The following SLX4 variants were observed in gnomAD, a reference collection of about 807,000 sequenced individuals.
The protein encoded by SLX4 is structure-specific endonuclease subunit SLX4.
Under a neutral mutation model 146.2 loss-of-function variants are expected in SLX4, and 112 were observed. The ratio of observed to expected loss-of-function variants is 0.77; its 90% CI spans 0.66 to 0.90. The LOEUF (loss-of-function observed/expected upper bound fraction) is 0.90, where lower values mean the gene tolerates loss of function less well. SLX4 is among the 40% of genes least tolerant of loss of function. The probability of loss-of-function intolerance (pLI) is 0.00; values close to 1 mark genes in which losing one functional copy is unlikely to be tolerated. For synonymous variants in SLX4, 1,061 were observed against 997.7 expected, an observed-to-expected ratio of 1.06 and a Z score of -1.20; for missense variants, 2,563 against 2,392.7, an observed-to-expected ratio of 1.07 and a Z score of -1.49.
At position 3,590,524 on chromosome 16, in the gene SLX4, C is replaced by A. The variant is rs2151124317; in HGVS notation, c.3114G>T (p.Gly1038=). Residue 1038 remains glycine, a synonymous_variant, in exon 12 of 15, where the codon GGG becomes GGT. Coordinates refer to ENST00000294008, the MANE Select transcript of SLX4 (RefSeq NM_032444.4). The surrounding 1 kb of genome is among the most constrained non-coding windows in gnomAD (Gnocchi z 4.8). ...SPPHPCRFLL[G]PPQGGSPRGS... Reference sequence around the variant, plus strand: ...CGCGGGGACTCCCGCCCTGGGGAGGCCCCAATAGGAAGCGGCACGGGTGCG... The same window carrying A: ...CGCGGGGACTCCCGCCCTGGGGAGGACCCAATAGGAAGCGGCACGGGTGCG... 6.2e-6 allele frequency: 10 copies of A among 1,613,224 alleles called. No individual in the cohort carries two copies. Among genetic ancestry groups the A allele is most frequent in the Non-Finnish European group, 6.8e-6 (8 of 1,179,268 alleles).
chr16:3,608,297 G>A (rs1286076917), intron 2 of SLX4, 133 bp downstream of exon 2: 14 of 941,544 alleles, frequency 1.5e-5, no homozygotes, highest in East Asian at 1.2e-4. Flanking sequence ...TATTGTCCAC[G>A]CCTGCTTTCT....
rs1422150420 is a variant in SLX4, at chr16:3,596,515, G to A, written c.1684-122C>T. On this transcript the variant is annotated intron_variant, in intron 7 of 14. Transcript: ENST00000294008. ...AACTACAGAGCAGGATGTGGGCTGT[G>A]GGGACAGACTGTCCCCGGGGCTCCA... 5 of 1,231,770 alleles carry A rather than the reference G, an allele frequency of 4.1e-6. No individual in the cohort carries two copies. The East Asian group carries it at 1.3e-4, about 32-fold the overall frequency. 76.3% of individuals were successfully genotyped at this position (1,231,770 alleles called of 1,614,324 possible).
At chr16:3,603,338 C>T (rs767097883) in intron 3 of SLX4, among the ~76,000 whole-genome samples, 1 of 152,250 alleles carries the variant, frequency 6.6e-6, no homozygotes, top group Admixed American at 6.5e-5. Context: ...GCCACCGCGT[C>T]CAGCCTGGTT....
chr16:3,609,811 G>C (rs912376011), intron 1 of SLX4, among the ~76,000 whole-genome samples: 2 of 152,228 alleles, frequency 1.3e-5, no homozygotes, highest in Admixed American at 1.3e-4. Flanking sequence ...TCTTGGGAGA[G>C]TGTTTTCTTA....
rs762824802 is a variant in SLX4 at position 3,589,363 on chromosome 16, G to A, written c.4275C>T (p.Asp1425=). The A allele has an allele frequency of 2.5e-6, 4 of 1,586,104 alleles. No individual in the cohort carries two copies. The highest frequency in any genetic ancestry group is 2.3e-5 in the South Asian group (2 of 88,456). ...LDSDPPIPID[D]CCWHMEPLSP... is the part of the protein sequence containing the mutation. ...AGAGGGGCTCCATGTGCCAGCAGCA[G>A]TCGTCAATTGGAATTGGGGGGTCAC... Residue 1425 remains aspartate (D), a synonymous_variant, in exon 12 of 15, where the codon GAC becomes GAT. Coordinates refer to ENST00000294008, the MANE Select transcript of SLX4 (RefSeq NM_032444.4). This position sits in a 1 kb window ranked among gnomAD's most constrained non-coding sequence, Gnocchi z 6.2.
At position 3,582,349 on chromosome 16, in the gene SLX4, C is replaced by T. The variant is rs751456750; in HGVS notation, c.5498G>A (p.Arg1833Gln). 7 of 1,611,372 alleles carry T rather than the reference C, an allele frequency of 4.3e-6. No individual in the cohort carries two copies. Among genetic ancestry groups the T allele is most frequent in the South Asian group, 2.2e-5 (2 of 91,010 alleles). The change falls in exon 15 of 15, where the codon CGG (arginine) becomes CAG (glutamine). Residue 1833 changes from arginine (R) to glutamine (Q), a missense_variant. Physicochemically the swap from Arg to Gln is conservative, Grantham distance 43. Transcript: ENST00000294008. ...GGGGTCGGGATGGCCCCATCAGTTC[C>T]GCTCCACCTTCTTCTTGCCCCGAGG... ...RQPRGKKKVE[R>Q]N
chr16:3,607,381 A>C (rs563079116), intron 2 of SLX4, among the ~76,000 whole-genome samples: 112 of 152,332 alleles, frequency 7.4e-4, no homozygotes, highest in African/African-American at 2.5e-3. Context: ...AGGGCAAAGG[A>C]AATTTAGAAA....
chr16:3,589,712 G>A lies in SLX4; in HGVS notation c.3926C>T (p.Ser1309Phe), dbSNP rs556682517. Residue 1309 changes from serine (S) to phenylalanine (F), a missense_variant, in exon 12 of 15, where the codon TCT (serine) becomes TTT (phenylalanine). Transcript: ENST00000294008. This position sits in a 1 kb window ranked among gnomAD's most constrained non-coding sequence, Gnocchi z 6.2. ...CGGTGGTGTCTGGGGCCTGATGACA[G>A]AAAACTTCTGTGCGACTTCGTTCCC... Reference protein sequence around the residue: ...REGNEVAQKFSVIRPQTPPPQ... With the variant: ...REGNEVAQKFFVIRPQTPPPQ... The A allele has an allele frequency of 7.8e-5, 126 of 1,614,000 alleles. 3 individuals are homozygous for A. The highest frequency in any genetic ancestry group is 4.8e-4 in the South Asian group (44 of 91,086).
At chr16:3,586,388 G>T (rs1339503758) in intron 12 of SLX4, among the ~76,000 whole-genome samples, 1 of 152,078 alleles carries the variant, frequency 6.6e-6, no homozygotes, top group Non-Finnish European at 1.5e-5. Flanking sequence ...GGGCATGGTG[G>T]CAGCTGCCTG....
rs1479965793 is a variant in SLX4 at position 3,581,892 on chromosome 16, A to C, written c.*450T>G. On this transcript the variant is annotated 3_prime_UTR_variant, in exon 15 of 15. Transcript: ENST00000294008. The stretch of plus-strand genomic sequence containing the variant: ...ACCCCGTTTCTACTAAAATATAAAA[A>C]ATCAGCTGGGCGTGGCAGCGTGTGC... 1 of 203,488 alleles carries C rather than the reference A, an allele frequency of 4.9e-6. No homozygotes were observed. Among genetic ancestry groups the C allele is most frequent in the Admixed American group, 5.2e-5 (1 of 19,076 alleles). 12.6% of individuals were successfully genotyped at this position (203,488 alleles called of 1,614,324 possible).
rs1200429178 is a variant in SLX4, at chr16:3,601,144, A to G, written c.998T>C (p.Ile333Thr). The change falls in exon 5 of 15, where the codon ATC becomes ACC. Residue 333 changes from isoleucine (I) to threonine (T), a missense_variant. Physicochemically the swap from Ile to Thr is moderately conservative, Grantham distance 89. Transcript: ENST00000294008. ...EKTLRPSVPQIPECPICGKPF... is the reference protein window; with the variant it reads ...EKTLRPSVPQTPECPICGKPF... Reference sequence around the variant, plus strand: ...TTTCCCACAAATCGGGCACTCAGGGATCTGAGGCACAGAAGGTCTTAGTGT... The same window carrying G: ...TTTCCCACAAATCGGGCACTCAGGGGTCTGAGGCACAGAAGGTCTTAGTGT... 6.2e-7 allele frequency: 1 copy of G among 1,614,108 alleles called. No individual in the cohort carries two copies. The highest frequency in any genetic ancestry group is 8.5e-7 in the Non-Finnish European group (1 of 1,180,038).
In SLX4 at chr16:3,601,080, C is replaced by T; in HGVS notation, c.1062G>A (p.Lys354=). 6.2e-7 allele frequency: 1 copy of T among 1,614,160 alleles called. No individual in the cohort carries two copies. Among genetic ancestry groups the T allele is most frequent in the Non-Finnish European group, 8.5e-7 (1 of 1,180,036 alleles). The part of the protein sequence containing the change: ...LTLKSRTSHL[K]QCAVKMEVGP... ...CAACCTCCATCTTCACAGCACACTG[C>T]TTCAAGTGACTGGTTCTGCTCTTTA... is the stretch of plus-strand genomic sequence containing the variant. Residue 354 remains lysine (K), a synonymous_variant, in exon 5 of 15, where the codon AAG becomes AAA. Transcript: ENST00000294008.
Position 3,582,526 on chromosome 16 carries a change from T to G in SLX4, c.5321A>C (p.Gln1774Pro). ...PALYQKVLLY[Q>P]PFELRELQAE... ...CTGCAGCTCCCGCAGCTCAAAGGGCTGGTACAGCAGCACCTTCTGGTACAG... is the reference window on the plus strand; with the variant it reads ...CTGCAGCTCCCGCAGCTCAAAGGGCGGGTACAGCAGCACCTTCTGGTACAG... The change falls in exon 15 of 15, where the codon CAG (glutamine) becomes CCG (proline). Residue 1774 changes from glutamine to proline, a missense_variant. Gln to Pro is a moderately conservative substitution (Grantham distance 76). Coordinates refer to ENST00000294008, the MANE Select transcript of SLX4 (RefSeq NM_032444.4). The G allele has an allele frequency of 1.9e-6, 3 of 1,614,014 alleles. No individual in the cohort carries two copies. Among genetic ancestry groups the G allele is most frequent in the Non-Finnish European group, 2.5e-6 (3 of 1,180,038 alleles).
chr16:3,606,842 T>G (rs2040791271), intron 2 of SLX4, 144 bp from the exon 3 acceptor site: 1 of 827,910 alleles, frequency 1.2e-6, no homozygotes. Flanking sequence ...GAGGACTGGT[T>G]GCTTGTTGGT....
Position 3,589,691 on chromosome 16 carries a change from G to A in SLX4, c.3947C>T (p.Pro1316Leu), listed in dbSNP as rs1237229017. 1 of 1,613,974 alleles carries A rather than the reference G, an allele frequency of 6.2e-7. No individual in the cohort carries two copies. The highest frequency in any genetic ancestry group is 2.2e-5 in the East Asian group (1 of 44,878). The change falls in exon 12 of 15, where the codon CCA (proline) becomes CTA (leucine). Residue 1316 changes from proline (P) to leucine (L), a missense_variant. By Grantham distance (98) the Pro-to-Leu change is moderately conservative. Coordinates refer to ENST00000294008, the MANE Select transcript of SLX4 (RefSeq NM_032444.4). This position sits in a 1 kb window ranked among gnomAD's most constrained non-coding sequence, Gnocchi z 6.2. ...QKFSVIRPQT[P>L]PPQTPSSCLT... The stretch of plus-strand genomic sequence containing the variant: ...GCATGAGGACGGTGTCTGGGGCGGT[G>A]GTGTCTGGGGCCTGATGACAGAAAA...
intron 4 of SLX4, 91 bp from the exon 5 acceptor site, chr16:3,601,282 G>C: frequency 7.2e-7 from 1 of 1,387,560 alleles, no homozygotes; most frequent in Non-Finnish European, 1.0e-6. Flanking sequence ...GACGTGCTGT[G>C]GTCAAAGCAA....
At chr16:3,592,959 C>CT in intron 10 of SLX4, 94 bp from the exon 11 acceptor site, 1 of 1,310,820 alleles carries the variant, frequency 7.6e-7, no homozygotes, top group Non-Finnish European at 1.0e-6. Context: ...AGTCACTAGT[C>CT]TTTTTATTTT....
chr16:3,588,386 G>A (rs1015752095), intron 12 of SLX4, among the ~76,000 whole-genome samples: 3 of 152,218 alleles, frequency 2.0e-5, no homozygotes, highest in Non-Finnish European at 2.9e-5. Context: ...GGTCGTCCAC[G>A]CGGTAGCGTG....
At chr16:3,588,483 T>C (rs773544887) in intron 12 of SLX4, among the ~76,000 whole-genome samples, 11 of 152,248 alleles carry the variant, frequency 7.2e-5, no homozygotes, top group Non-Finnish European at 1.3e-4. Context: ...CCTGTTCATC[T>C]CCTGACGGGC....
Sources: allele counts gnomAD v4.1 joint callset (sites outside exome capture counted in the v4.1 genomes callset), GRCh38; gene constraint gnomAD v4.1.1; non-coding constraint Gnocchi (gnomAD v3.1); transcripts MANE v1.5; gene names NCBI Gene and HGNC (gene_info 2026-07-23, HGNC 2026-07-21).